Variants in GPHN observed in about 807,000 individuals in gnomAD.
GPHN encodes the protein gephyrin.
Under a neutral mutation model 95.5 loss-of-function variants are expected in GPHN, and 17 were observed. The ratio of observed to expected loss-of-function variants is 0.18; its 90% confidence interval spans 0.12 to 0.27. GPHN has a LOEUF of 0.27. GPHN is among the 10% of genes least tolerant of loss of function. The pLI is 1.00. For missense variants in GPHN, 660 were observed against 978.1 expected (o/e 0.67, Z 4.34); for synonymous variants, 320 against 322.5 (o/e 0.99, Z 0.08).
intron 1 of GPHN, among the ~76,000 whole-genome samples, chr14:66,647,069 T>TG (rs1227200314): frequency 3.5e-4 from 45 of 126,828 alleles, no homozygotes; most frequent in African/African-American, 1.9e-3. Flanking sequence ...GCTTTTTTTT[T>TG]TTTTTTAATA....
chr14:67,622,879 G>A, the GPHN span, among the ~76,000 whole-genome samples: 7 of 152,182 alleles, frequency 4.6e-5, no homozygotes, highest in Admixed American at 4.6e-4. Context: ...TGCTGAATGA[G>A]GGGGAAGGGC....
chr14:67,369,256 G>C, the GPHN span, among the ~76,000 whole-genome samples: 15 of 152,196 alleles, frequency 9.9e-5, no homozygotes, highest in Non-Finnish European at 1.9e-4. Context: ...TAAAGACATA[G>C]TATTTTCAGA....
At chr14:66,574,259 C>T (rs1416101924) in intron 1 of GPHN, among the ~76,000 whole-genome samples, 1 of 152,140 alleles carries the variant, frequency 6.6e-6, no homozygotes, top group Non-Finnish European at 1.5e-5. Flanking sequence ...ATTGATTTAA[C>T]TTTAACCATT....
chr14:67,540,112 T>G, the GPHN span, among the ~76,000 whole-genome samples: 1 of 152,060 alleles, frequency 6.6e-6, no homozygotes, highest in African/African-American at 2.4e-5. Flanking sequence ...AGCAACAAAT[T>G]TTTATTATGG....
At chr14:66,896,553 A>G (rs1437138932) in intron 5 of GPHN, among the ~76,000 whole-genome samples, 3 of 152,138 alleles carry the variant, frequency 2.0e-5, no homozygotes, top group African/African-American at 7.2e-5. Flanking sequence ...TCAAGGCTGC[A>G]GTGAGCCATG....
intron 12 of GPHN, among the ~76,000 whole-genome samples, chr14:67,096,247 A>T (rs1233904095): frequency 6.6e-6 from 1 of 152,214 alleles, no homozygotes; most frequent in Non-Finnish European, 1.5e-5. Flanking sequence ...TATTCTCTCC[A>T]CAATTGGTAT....
the GPHN span, among the ~76,000 whole-genome samples, chr14:67,281,941 C>T: frequency 4.0e-4 from 60 of 151,676 alleles, no homozygotes; most frequent in African/African-American, 1.4e-3. Context: ...TATGTGTGGT[C>T]CTTGAATTTA....
chr14:66,649,023 A>C (rs1216802708), intron 1 of GPHN, among the ~76,000 whole-genome samples: 26 of 152,138 alleles, frequency 1.7e-4, no homozygotes, highest in Admixed American at 1.7e-3. Context: ...TATGTTTGGT[A>C]ATACAGTTAA....
chr14:67,451,298 A>C, the GPHN span, among the ~76,000 whole-genome samples: 1 of 152,190 alleles, frequency 6.6e-6, no homozygotes, highest in East Asian at 1.9e-4. Context: ...GAGAGTCCCT[A>C]CTGGGGTATC....
intron 2 of GPHN, among the ~76,000 whole-genome samples, chr14:66,703,434 A>G (rs1206729941): frequency 1.3e-5 from 2 of 152,232 alleles, no homozygotes; most frequent in Non-Finnish European, 2.9e-5. Flanking sequence ...CGTTGGAATA[A>G]TAGCGTAACT....
chr14:67,488,759 C>T, the GPHN span: 3 of 152,436 alleles, frequency 2.0e-5, no homozygotes, highest in Admixed American at 6.5e-5. Flanking sequence ...ATCCTGCCGG[C>T]ACAGCCTGCG....
the GPHN span, among the ~76,000 whole-genome samples, chr14:67,517,478 C>A: frequency 4.6e-5 from 7 of 152,082 alleles, no homozygotes; most frequent in Non-Finnish European, 7.4e-5. Context: ...ACATTGAGGT[C>A]AAAGAAAAAT....
the GPHN span, chr14:67,562,210 A>G: frequency 6.2e-7 from 1 of 1,611,666 alleles, no homozygotes; most frequent in African/African-American, 1.3e-5. Flanking sequence ...CTGTCCCTTC[A>G]GAGCCGGGAA....
chr14:67,645,604 C>T, the GPHN span: 1 of 1,592,138 alleles, frequency 6.3e-7, no homozygotes, highest in East Asian at 2.2e-5. Context: ...TCATGTTTGC[C>T]AAGCAGAGGG....
intron 2 of GPHN, among the ~76,000 whole-genome samples, chr14:66,707,163 A>G (rs1162733410): frequency 6.6e-6 from 1 of 152,200 alleles, no homozygotes; most frequent in African/African-American, 2.4e-5. Context: ...TCAATAAACA[A>G]TAGATGCTGG....
chr14:67,696,940 A>G, the GPHN span, among the ~76,000 whole-genome samples: 3 of 152,206 alleles, frequency 2.0e-5, no homozygotes, highest in African/African-American at 7.2e-5. Flanking sequence ...ACTAATTCCT[A>G]CCAATTTAAC....
At chr14:66,607,654 T>G (rs2062599415) in intron 1 of GPHN, among the ~76,000 whole-genome samples, 1 of 151,910 alleles carries the variant, frequency 6.6e-6, no homozygotes, top group Admixed American at 6.6e-5. Context: ...GTTGGTAGGT[T>G]TTTAATTACT....
chr14:67,710,088 C>A, the GPHN span, among the ~76,000 whole-genome samples: 19 of 152,320 alleles, frequency 1.2e-4, no homozygotes, highest in Admixed American at 3.9e-4. Context: ...AGTTGTTCCA[C>A]CTTTCCAGAC....
intron 16 of GPHN, among the ~76,000 whole-genome samples, chr14:67,116,295 AAAAGAAAG>A (rs544936079): frequency 6.6e-6 from 1 of 151,958 alleles, no homozygotes; most frequent in Admixed American, 6.5e-5. Flanking sequence ...AAAGAAAAGA[AAAAGAAAG>A]AAAGAAAGAA....
Sources: gnomAD v4.1 joint callset for allele counts (sites outside exome capture counted in the v4.1 genomes callset) on GRCh38, gnomAD v4.1.1 for gene constraint, MANE v1.5 for transcripts, NCBI Gene and HGNC (gene_info 2026-07-23, HGNC 2026-07-21) for gene names.